Variants in CORO1C observed in about 807,000 individuals in gnomAD.
The protein encoded by CORO1C is coronin 1C.
In CORO1C, 14 loss-of-function variants were observed where a neutral mutation model predicts 51.2. The ratio of observed to expected loss-of-function variants is 0.27; its 90% CI spans 0.18 to 0.43. The LOEUF (loss-of-function observed/expected upper bound fraction) is 0.43. Ranked by LOEUF, CORO1C falls within the 20% of genes least tolerant of loss-of-function variation. CORO1C has a pLI of 1.00. For missense variants in CORO1C, 417 were observed against 607.8 expected, an observed-to-expected ratio of 0.69 and a Z score of 3.30; for synonymous variants, 181 against 210.5, an observed-to-expected ratio of 0.86 and a Z score of 1.21.
intron 5 of CORO1C, among the ~76,000 whole-genome samples, chr12:108,657,736 T>C (rs966261341): frequency 2.6e-5 from 4 of 152,192 alleles, no homozygotes; most frequent in Non-Finnish European, 4.4e-5. Flanking sequence ...CTCTGACAAA[T>C]GTTTGTTTCT....
chr12:108,719,014 T>C (rs530783631), intron 1 of CORO1C, among the ~76,000 whole-genome samples: 69 of 152,326 alleles, frequency 4.5e-4, no homozygotes, highest in African/African-American at 1.5e-3. Flanking sequence ...TTGGGCTAAA[T>C]ATTCTAAGAG....
intron 1 of CORO1C, among the ~76,000 whole-genome samples, chr12:108,703,588 C>A (rs2034941533): frequency 6.6e-6 from 1 of 152,212 alleles, no homozygotes; most frequent in African/African-American, 2.4e-5. Context: ...TCAAGGCCCA[C>A]TGTGAATCCC....
At chr12:108,657,723 G>A (rs921687920) in intron 5 of CORO1C, among the ~76,000 whole-genome samples, 2 of 152,170 alleles carry the variant, frequency 1.3e-5, no homozygotes, top group East Asian at 3.8e-4. Flanking sequence ...ACACATGAAA[G>A]GACTCTGACA....
At chr12:108,716,013 C>T (rs1229340762) in intron 1 of CORO1C, among the ~76,000 whole-genome samples, 1 of 151,152 alleles carries the variant, frequency 6.6e-6, no homozygotes, top group Admixed American at 6.6e-5. Flanking sequence ...CGCCTGTAAT[C>T]CCAGCTACTC....
At chr12:108,648,146 T>C (rs968208451) in intron 10 of CORO1C, among the ~76,000 whole-genome samples, 50 of 152,138 alleles carry the variant, frequency 3.3e-4, no homozygotes, top group African/African-American at 1.1e-3. Flanking sequence ...CGCCAGATCC[T>C]TCTGTCGTAG....
At chr12:108,690,090 T>C (rs974513966) in intron 2 of CORO1C, among the ~76,000 whole-genome samples, 1 of 152,136 alleles carries the variant, frequency 6.6e-6, no homozygotes, top group South Asian at 2.1e-4. Context: ...GGGGAGGAGC[T>C]AGAGTGATTG....
Position 108,645,436 on chromosome 12 carries a change from CGATATCA to C in CORO1C, c.*1960_*1966del, listed in dbSNP as rs1412641169. 1 of 152,134 alleles carries C rather than the reference CGATATCA, an allele frequency of 6.6e-6. No individual in the cohort carries two copies. Among genetic ancestry groups the C allele is most frequent in the Non-Finnish European group, 1.5e-5 (1 of 68,016 alleles). The allele number at this position is 152,134 out of a possible 1,614,324, so 9.4% of individuals were successfully genotyped here. On this transcript the variant is annotated 3_prime_UTR_variant, in exon 11 of 11. Transcript: ENST00000261401. ...CATCAACAACTTTACTTCATTAATT[CGATATCA>C]GAACCTTAAAACACTACTGAATCTT... is the stretch of plus-strand genomic sequence containing the variant.
chr12:108,655,339 T>C (rs1029935359), intron 6 of CORO1C, among the ~76,000 whole-genome samples: 1 of 152,084 alleles, frequency 6.6e-6, no homozygotes, highest in Non-Finnish European at 1.5e-5. Context: ...TTAAAAAATA[T>C]AGTCCCCTCC....
At chr12:108,669,636 T>C (rs948203348) in intron 3 of CORO1C, among the ~76,000 whole-genome samples, 7 of 117,240 alleles carry the variant, frequency 6.0e-5, no homozygotes, top group African/African-American at 2.0e-4. Flanking sequence ...CTACTACCAA[T>C]AGCCTAGGCT....
chr12:108,653,829 GC>G (rs914154143), intron 7 of CORO1C, among the ~76,000 whole-genome samples: 10 of 152,122 alleles, frequency 6.6e-5, no homozygotes, highest in African/African-American at 2.4e-4. Flanking sequence ...CATCCACAAA[GC>G]ACCATTCTCC....
intron 7 of CORO1C, among the ~76,000 whole-genome samples, chr12:108,653,719 TGAGCTTTA>T (rs2032795085): frequency 6.6e-6 from 1 of 152,164 alleles, no homozygotes; most frequent in Admixed American, 6.5e-5. Context: ...TTATCACCCC[TGAGCTTTA>T]GTCAGGCCTC....
At chr12:108,653,548 A>G (rs1592845749) in intron 7 of CORO1C, among the ~76,000 whole-genome samples, 1 of 152,232 alleles carries the variant, frequency 6.6e-6, no homozygotes. Context: ...TTTCAACTAC[A>G]AAAAGTTCTA....
intron 1 of CORO1C, among the ~76,000 whole-genome samples, chr12:108,724,952 C>T (rs1250535670): frequency 2.6e-5 from 4 of 152,224 alleles, no homozygotes; most frequent in Admixed American, 2.0e-4. Context: ...CAGGATGTTA[C>T]ACTTTATCAC....
chr12:108,681,874 C>A (rs919252435), intron 2 of CORO1C, among the ~76,000 whole-genome samples: 2 of 151,962 alleles, frequency 1.3e-5, no homozygotes, highest in African/African-American at 4.8e-5. Flanking sequence ...ACTAATAATA[C>A]CAACTTGGAG....
intron 2 of CORO1C, among the ~76,000 whole-genome samples, chr12:108,678,934 A>C (rs1416740355): frequency 6.6e-6 from 1 of 151,328 alleles, no homozygotes; most frequent in Non-Finnish European, 1.5e-5. Flanking sequence ...AACAAGGTGA[A>C]ACCCCACCTC....
At chr12:108,730,228 A>T (rs1356200827) in intron 1 of CORO1C, 3 of 152,198 alleles carry the variant, frequency 2.0e-5, no homozygotes, top group African/African-American at 7.2e-5. Flanking sequence ...CACTTTAGAC[A>T]CCACAAAACA....
intron 1 of CORO1C, among the ~76,000 whole-genome samples, chr12:108,726,262 C>T (rs1185013042): frequency 6.6e-6 from 1 of 151,524 alleles, no homozygotes; most frequent in Admixed American, 6.6e-5. Flanking sequence ...CTAAAAAATA[C>T]CAAAAAATTA....
Position 108,647,315 on chromosome 12 carries a change from T to G in CORO1C, c.*88A>C, listed in dbSNP as rs2032403518. 3.9e-6 allele frequency: 5 copies of G among 1,283,580 alleles called. No individual in the cohort carries two copies. Among genetic ancestry groups the G allele is most frequent in the Non-Finnish European group, 4.2e-6 (4 of 949,684 alleles). 79.5% of individuals were successfully genotyped at this position (1,283,580 alleles called of 1,614,324 possible). A position where few individuals can be genotyped will look rare whatever the true frequency, so the allele number is the denominator to read the frequency against. ...TGTCTCCAAATGGCAGTGCCTCCCT[T>G]TCCGCCCTCCCTAGGACCACACCAA... On this transcript the variant is annotated 3_prime_UTR_variant, in exon 11 of 11. Transcript: ENST00000261401.
At chr12:108,662,386 A>C (rs2033307769) in intron 3 of CORO1C, among the ~76,000 whole-genome samples, 1 of 151,968 alleles carries the variant, frequency 6.6e-6, no homozygotes, top group African/African-American at 2.4e-5. Flanking sequence ...CTGTTACCCA[A>C]ACTGGAGTGC....
Sources: allele counts gnomAD v4.1 joint callset (sites outside exome capture counted in the v4.1 genomes callset), GRCh38; gene constraint gnomAD v4.1.1; transcripts MANE v1.5; gene names NCBI Gene and HGNC (gene_info 2026-07-23, HGNC 2026-07-21).